Variants in TNS1 observed in about 807,000 individuals in gnomAD.
TNS1 encodes the protein tensin 1, also known as tensin-1.
TNS1 carries 62 observed loss-of-function variants against 168.6 expected under a neutral mutation model. That is an observed-to-expected ratio of 0.37 (90% CI 0.30 to 0.45). TNS1 has a LOEUF of 0.45. Ranked by LOEUF, TNS1 falls within the 20% of genes least tolerant of loss-of-function variation. The pLI, the probability that TNS1 is intolerant of heterozygous loss-of-function variation, is 1.00. For missense variants in TNS1, 2,240 were observed against 2,339.4 expected, an observed-to-expected ratio of 0.96 and a Z score of 0.88; for synonymous variants, 934 against 933.2, an observed-to-expected ratio of 1.00 and a Z score of -0.02.
intron 4 of TNS1, among the ~76,000 whole-genome samples, chr2:217,912,578 G>A (rs1270106727): frequency 6.6e-6 from 1 of 152,188 alleles, no homozygotes; most frequent in African/African-American, 2.4e-5. Context: ...GGGCTGGAAT[G>A]GCCTCAGACC....
Position 217,907,230 on chromosome 2 carries a change from G to A in TNS1, c.250C>T (p.Pro84Ser), listed in dbSNP as rs552397923. 19 of 702,912 alleles carry A rather than the reference G, an allele frequency of 2.7e-5. No homozygotes were observed. The highest frequency in any genetic ancestry group is 4.9e-5 in the Non-Finnish European group (19 of 385,012). The allele number at this position is 702,912 out of a possible 1,614,324, so 43.5% of individuals were successfully genotyped here. ...ELVPITTENAPKNVVDKGEGA... is the reference protein window; with the variant it reads ...ELVPITTENASKNVVDKGEGA... ...CTCACCTTGTCCACTACATTCTTTG[G>A]TGCATTCTCAGTGGTGATGGGCTGT... The change falls in exon 5 of 33, where the codon CCA becomes TCA. Residue 84 changes from proline to serine, a missense_variant. Around this residue, in one of 2 missense-constraint regions of TNS1, gnomAD observed 2,131 missense variants for 2,171.2 expected, o/e 0.98. Coordinates refer to ENST00000682258, the MANE Select transcript of TNS1 (RefSeq NM_001387777.1).
chr2:218,004,666 T>C (rs1018635967), upstream of TNS1, among the ~76,000 whole-genome samples: 2 of 152,218 alleles, frequency 1.3e-5, no homozygotes, highest in African/African-American at 2.4e-5. Context: ...GAAGTGTCAA[T>C]TTCCAGCCCT....
chr2:218,002,546 T>C (rs991145380), intron 1 of TNS1, among the ~76,000 whole-genome samples: 4 of 138,780 alleles, frequency 2.9e-5, no homozygotes, highest in Non-Finnish European at 6.2e-5. Flanking sequence ...AGCAAACTTC[T>C]CTGTGGCCTC....
intron 25 of TNS1, among the ~76,000 whole-genome samples, chr2:217,814,702 C>A (rs757972187): frequency 6.6e-6 from 1 of 152,144 alleles, no homozygotes; most frequent in African/African-American, 2.4e-5. Context: ...TTTTAAGAAC[C>A]CTTCCAAGAG....
intron 3 of TNS1, among the ~76,000 whole-genome samples, chr2:217,959,178 TC>T: frequency 6.6e-6 from 1 of 152,306 alleles, no homozygotes; most frequent in East Asian, 1.9e-4. Context: ...AGCCTCAGTT[TC>T]CCCCTCCTCC....
At chr2:217,907,069 C>T in intron 5 of TNS1, 141 bp downstream of exon 5, 1 of 635,228 alleles carries the variant, frequency 1.6e-6, no homozygotes, top group Non-Finnish European at 2.9e-6. Flanking sequence ...CACTACTTCC[C>T]TGCAAGTTCC....
intron 30 of TNS1, 43 bp from the exon 31 acceptor site, chr2:217,808,714 G>A (rs1373144957): frequency 6.3e-7 from 1 of 1,595,382 alleles, no homozygotes; most frequent in South Asian, 1.1e-5. Flanking sequence ...AGTGCTGAAG[G>A]GGCTGCTTTT....
At chr2:217,830,263 T>C in intron 22 of TNS1, 2 of 1,431,866 alleles carry the variant, frequency 1.4e-6, no homozygotes, top group Non-Finnish European at 9.7e-7. Context: ...CTTCTACTGA[T>C]CCCCCGTGGC....
chr2:217,812,422 G>A lies in TNS1; in HGVS notation c.4978C>T (p.Gln1660Ter). 1 of 1,614,132 alleles carries A rather than the reference G, an allele frequency of 6.2e-7. No homozygotes were observed. The highest frequency in any genetic ancestry group is 8.5e-7 in the Non-Finnish European group (1 of 1,180,016). Reference sequence around the variant, plus strand: ...AGGGCCAATGGGATGATGGAGTGCTGGTAGACCAGGGCAGACAGCGATCCT... The same window carrying A: ...AGGGCCAATGGGATGATGGAGTGCTAGTAGACCAGGGCAGACAGCGATCCT... ...NFGSLSALVYQHSIIPLALPC... is the reference protein window; with the variant it reads ...NFGSLSALVY Residue 1660 changes from glutamine to a stop codon, truncating the protein, a stop_gained, in exon 28 of 33, where the codon CAG (glutamine) becomes TAG (stop). Coordinates refer to ENST00000682258, the MANE Select transcript of TNS1 (RefSeq NM_001387777.1). LOFTEE classifies it high-confidence loss of function.
intron 16 of TNS1, among the ~76,000 whole-genome samples, chr2:217,883,456 G>A (rs979781950): frequency 6.6e-6 from 1 of 151,362 alleles, no homozygotes; most frequent in African/African-American, 2.4e-5. Flanking sequence ...GTAGAGATGG[G>A]GTCTCACTAT....
intron 1 of TNS1, among the ~76,000 whole-genome samples, chr2:217,991,324 T>C (rs1958361097): frequency 6.6e-6 from 1 of 151,892 alleles, no homozygotes; most frequent in South Asian, 2.1e-4. Flanking sequence ...GCATGGCTCC[T>C]ACCTTGGCTT....
chr2:217,906,117 C>T (rs1286872444), intron 6 of TNS1, among the ~76,000 whole-genome samples: 3 of 152,194 alleles, frequency 2.0e-5, no homozygotes, highest in Admixed American at 1.3e-4. Flanking sequence ...CTGGCGCAGT[C>T]GCTGATGAAT....
At chr2:217,805,653 CACA>C (rs1403908506) in intron 32 of TNS1, among the ~76,000 whole-genome samples, 1 of 132,334 alleles carries the variant, frequency 7.6e-6, no homozygotes, top group Admixed American at 8.0e-5. Flanking sequence ...ATCACACACA[CACA>C]ACACACATAT....
At chr2:217,937,667 A>G (rs1956691364) in intron 3 of TNS1, among the ~76,000 whole-genome samples, 1 of 152,154 alleles carries the variant, frequency 6.6e-6, no homozygotes, top group African/African-American at 2.4e-5. Flanking sequence ...CGCCCAGCAG[A>G]GGCCCCGGGG....
chr2:217,894,125 G>A (rs938846943), intron 9 of TNS1, among the ~76,000 whole-genome samples: 1 of 152,186 alleles, frequency 6.6e-6, no homozygotes, highest in Non-Finnish European at 1.5e-5. Flanking sequence ...GACCTGAACA[G>A]CAGGCTTCGG....
At chr2:217,899,882 C>T (rs1410367295) in intron 7 of TNS1, among the ~76,000 whole-genome samples, 1 of 152,176 alleles carries the variant, frequency 6.6e-6, no homozygotes, top group Non-Finnish European at 1.5e-5. Context: ...CTGGCATCCC[C>T]AATCATCTCA....
At chr2:217,922,031 G>A (rs1955740932) in intron 3 of TNS1, among the ~76,000 whole-genome samples, 1 of 152,222 alleles carries the variant, frequency 6.6e-6, no homozygotes, top group African/African-American at 2.4e-5. Context: ...AGGAGACACA[G>A]GGGGAACAGA....
chr2:218,014,959 C>T (rs1958744989), upstream of TNS1, among the ~76,000 whole-genome samples: 6 of 151,736 alleles, frequency 4.0e-5, no homozygotes, highest in Admixed American at 1.3e-4. Flanking sequence ...CAAGGCCAAG[C>T]CATTTCTGTT....
chr2:217,910,761 C>CACACACA (rs1553608839), intron 4 of TNS1, among the ~76,000 whole-genome samples: 1 of 146,582 alleles, frequency 6.8e-6, no homozygotes, highest in South Asian at 2.2e-4. Flanking sequence ...CACACACACA[C>CACACACA]AACCATCCTT....
Sources: allele counts gnomAD v4.1 joint callset (sites outside exome capture counted in the v4.1 genomes callset), GRCh38; gene constraint gnomAD v4.1.1; regional missense constraint gnomAD v4.1.1; transcripts MANE v1.5; gene names NCBI Gene and HGNC (gene_info 2026-07-23, HGNC 2026-07-21).